The following LRFN3 variants were observed in gnomAD, a reference collection of about 807,000 sequenced individuals.
LRFN3 encodes the protein leucine rich repeat and fibronectin type III domain containing 3.
In LRFN3, 8 loss-of-function variants were observed where a neutral mutation model predicts 23.8. The observed-to-expected ratio is 0.34, with a 90% CI of 0.20 to 0.61. The LOEUF (loss-of-function observed/expected upper bound fraction) is 0.61. LRFN3 is among the 20% of genes least tolerant of loss of function. The probability of loss-of-function intolerance (pLI) is 0.80; values close to 1 mark genes in which losing one functional copy is unlikely to be tolerated. For synonymous variants in LRFN3, 451 were observed against 450.6 expected (o/e 1.00, Z -0.01); for missense variants, 736 against 935.3 (o/e 0.79, Z 2.78).
chr19:35,944,702 C>G lies in LRFN3; in HGVS notation c.1570C>G (p.Leu524Val), dbSNP rs374697819. 2.8e-5 allele frequency: 45 copies of G among 1,604,602 alleles called. 1 individual carries two copies. In the East Asian group the frequency reaches 9.0e-4, roughly 32 times the overall value. ...GCARFSTEPALRPCGAPHAPF... is the reference protein window; with the variant it reads ...GCARFSTEPAVRPCGAPHAPF... ...CGCCCGCTTCTCCACCGAACCTGCG[C>G]TGCGGCCATGCGGGGCGCCGCACGC... Residue 524 changes from leucine to valine, a missense_variant, in exon 3 of 3, where the codon CTG becomes GTG. Around this residue, in one of 2 missense-constraint regions of LRFN3, gnomAD observed 290 missense variants for 287.4 expected, o/e 1.01. Coordinates refer to ENST00000246529, the MANE Select transcript of LRFN3 (RefSeq NM_024509.2). This position sits in a 1 kb window ranked among gnomAD's most constrained non-coding sequence, Gnocchi z 4.5.
Position 35,945,280 on chromosome 19 carries a change from C to A in LRFN3, c.*261C>A, listed in dbSNP as rs1049273758. Reference sequence around the variant, plus strand: ...GGGAATGCCTCCTTTGGGGAGACACCCCCTCCCCGCCCAGTTCAGTCTGAG... The same window carrying A: ...GGGAATGCCTCCTTTGGGGAGACACACCCTCCCCGCCCAGTTCAGTCTGAG... On this transcript the variant is annotated 3_prime_UTR_variant, in exon 3 of 3. Coordinates refer to ENST00000246529, the MANE Select transcript of LRFN3 (RefSeq NM_024509.2). The A allele has an allele frequency of 5.4e-6, 2 of 369,784 alleles. No individual in the cohort carries two copies. The highest frequency in any genetic ancestry group is 4.3e-5 in the African/African-American group (2 of 46,840). The allele number at this position is 369,784 out of a possible 1,614,324, so 22.9% of individuals were successfully genotyped here.
Position 35,940,368 on chromosome 19 carries a change from C to T in LRFN3, c.943C>T (p.Leu315=). Residue 315 remains leucine (L), a synonymous_variant, in exon 2 of 3, where the codon CTG becomes TTG. Transcript: ENST00000246529. ...TGTGCCCGCAGGTCGGCCGGCTGCC[C>T]TGCGCTGCCGGGCAGTGGGGGACCC... The part of the protein sequence containing the change: ...LAVPAGRPAA[L]RCRAVGDPEP... 6.4e-7 allele frequency: 1 copy of T among 1,570,782 alleles called. No individual in the cohort carries two copies. Among genetic ancestry groups the T allele is most frequent in the Non-Finnish European group, 8.6e-7 (1 of 1,164,030 alleles).
chr19:35,940,488 G>T lies in LRFN3; in HGVS notation c.1063G>T (p.Val355Phe), dbSNP rs1311805939. 13 of 1,610,980 alleles carry T rather than the reference G, an allele frequency of 8.1e-6. No individual in the cohort carries two copies. The Admixed American group carries it at 1.7e-4, about 21-fold the overall frequency. ...CCCCAATGGGACGCTGGAGCTGCTG[G>T]TCACCGAGCCGGGTGATGGTGGCAT... ...AFPNGTLELLVTEPGDGGIFT... is the reference protein window; with the variant it reads ...AFPNGTLELLFTEPGDGGIFT... Residue 355 changes from valine to phenylalanine, a missense_variant, in exon 2 of 3, where the codon GTC (valine) becomes TTC (phenylalanine). By Grantham distance (50) the Val-to-Phe change is conservative. Around this residue, in one of 2 missense-constraint regions of LRFN3, gnomAD observed 446 missense variants for 647.9 expected, o/e 0.69. Coordinates refer to ENST00000246529, the MANE Select transcript of LRFN3 (RefSeq NM_024509.2).
rs760817305 is a variant in LRFN3 at position 35,939,852 on chromosome 19, C to T, written c.427C>T (p.Leu143=). 9.4e-6 allele frequency: 15 copies of T among 1,601,488 alleles called. No homozygotes were observed. In the African/African-American group the frequency reaches 1.2e-4, roughly 13 times the overall value. The change falls in exon 2 of 3, where the codon CTG becomes TTG. Residue 143 remains leucine (L), a synonymous_variant. Transcript: ENST00000246529. This position sits in a 1 kb window ranked among gnomAD's most constrained non-coding sequence, Gnocchi z 6.4. ...CCACCTCATCCTCAGCAACAACCAG[C>T]TGGCAGCGCTGGCGGCCGGCGCCCT... ...LRHLILSNNQ[L]AALAAGALDD...
In LRFN3 at chr19:35,945,023, G is replaced by A; in HGVS notation, c.*4G>A. On this transcript the variant is annotated 3_prime_UTR_variant, in exon 3 of 3. Transcript: ENST00000246529. ...CCACGAACCTGTGGGACCCTAGCCA[G>A]GCGCCCCCCCCTCTAAGGGTCCTCT... 1 of 1,363,558 alleles carries A rather than the reference G, an allele frequency of 7.3e-7. No individual in the cohort carries two copies. The highest frequency in any genetic ancestry group is 9.4e-7 in the Non-Finnish European group (1 of 1,067,522). The allele number at this position is 1,363,558 out of a possible 1,614,324, so 84.5% of individuals were successfully genotyped here. A position where few individuals can be genotyped will look rare whatever the true frequency, so the allele number is the denominator to read the frequency against.
intron 2 of LRFN3, among the ~76,000 whole-genome samples, chr19:35,942,547 C>T (rs1976134441): frequency 6.6e-6 from 1 of 152,332 alleles, no homozygotes; most frequent in South Asian, 2.1e-4. Context: ...AAAGACTGGA[C>T]CTCCCCAGGG....
rs755200452 is a variant in LRFN3, at chr19:35,940,262, C to T, written c.837C>T (p.Gly279=). The T allele has an allele frequency of 8.1e-6, 13 of 1,604,530 alleles. No homozygotes were observed. In the African/African-American group the frequency reaches 9.4e-5, roughly 12 times the overall value. ...LEACASPPAL[G]GRYFWAVGEE... is the part of the protein sequence containing the mutation. ...CCTGCGCGTCCCCACCTGCTCTGGGCGGCCGCTACTTCTGGGCGGTGGGCG... is the reference window on the plus strand; with the variant it reads ...CCTGCGCGTCCCCACCTGCTCTGGGTGGCCGCTACTTCTGGGCGGTGGGCG... The change falls in exon 2 of 3, where the codon GGC becomes GGT. Residue 279 remains glycine, a synonymous_variant. Transcript: ENST00000246529.
chr19:35,944,443 G>A lies in LRFN3; in HGVS notation c.1416-105G>A. 1 of 676,734 alleles carries A rather than the reference G, an allele frequency of 1.5e-6. No homozygotes were observed. 41.9% of individuals were successfully genotyped at this position (676,734 alleles called of 1,614,324 possible). A position where few individuals can be genotyped will look rare whatever the true frequency, so the allele number is the denominator to read the frequency against. ...AGCTCATTGGGTAGAATGAAATGAA[G>A]GAGTGGACTGGTGGGAAGTCTAGCC... is the stretch of plus-strand genomic sequence containing the variant. On this transcript the variant is annotated intron_variant, in intron 2 of 2. Transcript: ENST00000246529. This position sits in a 1 kb window ranked among gnomAD's most constrained non-coding sequence, Gnocchi z 4.5.
At position 35,940,545 on chromosome 19, in the gene LRFN3, G is replaced by A. The variant is rs1316834303; in HGVS notation, c.1120G>A (p.Glu374Lys). 2 of 1,612,622 alleles carry A rather than the reference G, an allele frequency of 1.2e-6. No individual in the cohort carries two copies. The highest frequency in any genetic ancestry group is 8.5e-7 in the Non-Finnish European group (1 of 1,179,912). ...CTGCATTGCGGCCAATGCAGCTGGC[G>A]AGGCCACAGCTGCTGTGGAGCTGAC... ...FTCIAANAAG[E>K]ATAAVELTVG... Residue 374 changes from glutamate to lysine, a missense_variant, in exon 2 of 3, where the codon GAG becomes AAG. By Grantham distance (56) the Glu-to-Lys change is moderately conservative. Transcript: ENST00000246529.
rs750193307 is a variant in LRFN3 at position 35,939,675 on chromosome 19, G to A, written c.250G>A (p.Gly84Ser). ...VRRRDLANMT[G>S]LLHLSLSRNT... Reference sequence around the variant, plus strand: ...CCGCCGCGACCTGGCCAACATGACAGGCCTGCTGCATCTGAGCCTGTCGCG... The same window carrying A: ...CCGCCGCGACCTGGCCAACATGACAAGCCTGCTGCATCTGAGCCTGTCGCG... The change falls in exon 2 of 3, where the codon GGC becomes AGC. Residue 84 changes from glycine to serine, a missense_variant. This residue lies in a region of LRFN3 where 446 missense variants were observed against 647.9 expected (regional missense o/e 0.69). Transcript: ENST00000246529. This position sits in a 1 kb window ranked among gnomAD's most constrained non-coding sequence, Gnocchi z 6.4. 6.3e-5 allele frequency: 101 copies of A among 1,607,470 alleles called. No individual in the cohort carries two copies. In the Middle Eastern group the frequency reaches 6.6e-4, roughly 10 times the overall value.
chr19:35,946,447 G>A lies in LRFN3; in HGVS notation c.*1428G>A, dbSNP rs1444378842. Among the ~76,000 whole-genome samples, 1 of 151,890 alleles carries A rather than the reference G, an allele frequency of 6.6e-6. No individual in the cohort carries two copies. The highest frequency in any genetic ancestry group is 1.5e-5 in the Non-Finnish European group (1 of 67,992). On this transcript the variant is annotated 3_prime_UTR_variant, in exon 3 of 3. Transcript: ENST00000246529. ...AGCCTCCTGAATTGCTGGGATTACA[G>A]GCATGAGCCACTGCCCCTGGCTAGG...
In LRFN3 at chr19:35,944,929, C is replaced by A. The variant is rs757193667; in HGVS notation, c.1797C>A (p.Pro599=). 2 of 1,527,512 alleles carry A rather than the reference C, an allele frequency of 1.3e-6. No individual in the cohort carries two copies. Among genetic ancestry groups the A allele is most frequent in the Admixed American group, 2.1e-5 (1 of 48,110 alleles). The allele number at this position is 1,527,512 out of a possible 1,614,324, so 94.6% of individuals were successfully genotyped here. ...GCCCCACGCCCACGCCCGCCCCGCC[C>A]GCCCCGGAGCCCGCGGCGCTCAGGG... is the stretch of plus-strand genomic sequence containing the variant. The part of the protein sequence containing the change: ...ALGPTPTPAP[P]APEPAALRAH... Residue 599 remains proline (P), a synonymous_variant, in exon 3 of 3, where the codon CCC becomes CCA. Transcript: ENST00000246529. The surrounding 1 kb of genome is among the most constrained non-coding windows in gnomAD (Gnocchi z 4.5).
chr19:35,944,697 C>G lies in LRFN3; in HGVS notation c.1565C>G (p.Pro522Arg), dbSNP rs151000979. The G allele has an allele frequency of 8.1e-6, 13 of 1,604,254 alleles. No individual in the cohort carries two copies. In the East Asian group the frequency reaches 2.9e-4, roughly 36 times the overall value. The change falls in exon 3 of 3, where the codon CCT becomes CGT. Residue 522 changes from proline (P) to arginine (R), a missense_variant. Pro to Arg is a moderately radical substitution (Grantham distance 103, BLOSUM62 -2). Transcript: ENST00000246529. This position sits in a 1 kb window ranked among gnomAD's most constrained non-coding sequence, Gnocchi z 4.5. ...PVGCARFSTE[P>R]ALRPCGAPHA... ...GGCTGCGCCCGCTTCTCCACCGAACCTGCGCTGCGGCCATGCGGGGCGCCG... is the reference window on the plus strand; with the variant it reads ...GGCTGCGCCCGCTTCTCCACCGAACGTGCGCTGCGGCCATGCGGGGCGCCG...
rs1178295916 is a variant in LRFN3 at position 35,936,480 on chromosome 19, G to C, written c.-1092G>C. 1 of 146,674 alleles carries C rather than the reference G, an allele frequency of 6.8e-6. No homozygotes were observed. Among genetic ancestry groups the C allele is most frequent in the Admixed American group, 6.8e-5 (1 of 14,792 alleles). 9.1% of individuals were successfully genotyped at this position (146,674 alleles called of 1,614,324 possible). A position where few individuals can be genotyped will look rare whatever the true frequency, so the allele number is the denominator to read the frequency against. On this transcript the variant is annotated 5_prime_UTR_variant, in exon 1 of 3. Transcript: ENST00000246529. ...CCGCCCGGCCCCCGCCTCGGCCCCG[G>C]CGGGGGAGGGGTCTCTGAGCGCGGC...
rs757539152 is a variant in LRFN3, at chr19:35,940,625, G to A, written c.1200G>A (p.Pro400=). ...CCAACAGCACCAGCTGTGACCCCCC[G>A]CGGGACGGGGATCCTGATGCTCTCA... ...QLANSTSCDP[P]RDGDPDALTP... is the part of the protein sequence containing the mutation. The change falls in exon 2 of 3, where the codon CCG becomes CCA. Residue 400 remains proline (P), a synonymous_variant. Transcript: ENST00000246529. 24 of 1,609,942 alleles carry A rather than the reference G, an allele frequency of 1.5e-5. No homozygotes were observed. In the East Asian group the frequency reaches 1.8e-4, roughly 12 times the overall value.
intron 2 of LRFN3, among the ~76,000 whole-genome samples, chr19:35,943,102 A>G (rs1460756761): frequency 1.3e-5 from 2 of 151,956 alleles, no homozygotes; most frequent in Non-Finnish European, 2.9e-5. Flanking sequence ...GCTGTCCTAG[A>G]CAGTCACCCT....
At position 35,937,201 on chromosome 19, in the gene LRFN3, A is replaced by G. The variant is rs1000427219; in HGVS notation, c.-371A>G. ...TAAATCTGGGGCTTGAGACCTCCCA[A>G]TCTTGACTCAGCACCCCAATATCTG... On this transcript the variant is annotated 5_prime_UTR_variant, in exon 1 of 3. Coordinates refer to ENST00000246529, the MANE Select transcript of LRFN3 (RefSeq NM_024509.2). 6.6e-6 allele frequency: 1 copy of G among 152,030 alleles called. No individual in the cohort carries two copies. The highest frequency in any genetic ancestry group is 1.5e-5 in the Non-Finnish European group (1 of 68,016). 9.4% of individuals were successfully genotyped at this position (152,030 alleles called of 1,614,324 possible). A position where few individuals can be genotyped will look rare whatever the true frequency, so the allele number is the denominator to read the frequency against.
chr19:35,943,614 G>A (rs1976144971), intron 2 of LRFN3, among the ~76,000 whole-genome samples: 1 of 152,160 alleles, frequency 6.6e-6, no homozygotes, highest in African/African-American at 2.4e-5. Context: ...AGGGGAACCA[G>A]AGGGAAATTG....
chr19:35,939,973 A>T lies in LRFN3; in HGVS notation c.548A>T (p.Asn183Ile). The T allele has an allele frequency of 6.2e-7, 1 of 1,610,364 alleles. No individual in the cohort carries two copies. The change falls in exon 2 of 3, where the codon AAC becomes ATC. Residue 183 changes from asparagine (N) to isoleucine (I), a missense_variant. Coordinates refer to ENST00000246529, the MANE Select transcript of LRFN3 (RefSeq NM_024509.2). The surrounding 1 kb of genome is among the most constrained non-coding windows in gnomAD (Gnocchi z 6.4). ...GCCCTGGGCCGCCTGGGCAACGTCA[A>T]CACGTTGGGCCTCGACCACAACCTG... is the stretch of plus-strand genomic sequence containing the variant. ...WEALGRLGNV[N>I]TLGLDHNLLA...
Sources: allele counts gnomAD v4.1 joint callset (sites outside exome capture counted in the v4.1 genomes callset), GRCh38; gene constraint gnomAD v4.1.1; regional missense constraint gnomAD v4.1.1; non-coding constraint Gnocchi (gnomAD v3.1); transcripts MANE v1.5; gene names NCBI Gene and HGNC (gene_info 2026-07-23, HGNC 2026-07-21).